TSPAN2: variants seen among roughly 807,000 people sequenced by gnomAD.
The protein encoded by TSPAN2 is tetraspanin 2, also known as tetraspanin-2.
Under a neutral mutation model 33.3 loss-of-function variants are expected in TSPAN2, and 24 were observed. That is an observed-to-expected ratio of 0.72 (90% CI 0.52 to 1.01). The LOEUF is 1.01. Among genes scored for constraint, TSPAN2 ranks in the 50% least tolerant of loss-of-function variants. TSPAN2 has a pLI of 0.00. For missense variants in TSPAN2, 278 were observed against 281.3 expected, an observed-to-expected ratio of 0.99 and a Z score of 0.08; for synonymous variants, 114 against 104.5, an observed-to-expected ratio of 1.09 and a Z score of -0.56.
intron 7 of TSPAN2, among the ~76,000 whole-genome samples, chr1:115,052,605 C>T (rs943460251): frequency 6.6e-6 from 1 of 152,132 alleles, no homozygotes; most frequent in African/African-American, 2.4e-5. Flanking sequence ...TACCACCTCT[C>T]GCAACTCCTG....
intron 1 of TSPAN2, among the ~76,000 whole-genome samples, chr1:115,078,001 C>T (rs1358527916): frequency 6.6e-6 from 1 of 152,208 alleles, no homozygotes; most frequent in Non-Finnish European, 1.5e-5. Context: ...GGGTAAAAAG[C>T]ATCATTTAGG....
At chr1:115,084,054 G>A (rs1367022702) in intron 1 of TSPAN2, among the ~76,000 whole-genome samples, 1 of 152,158 alleles carries the variant, frequency 6.6e-6, no homozygotes, top group East Asian at 1.9e-4. Flanking sequence ...TAAACTCCAA[G>A]CCTCTTGCTA....
intron 1 of TSPAN2, among the ~76,000 whole-genome samples, chr1:115,087,523 G>A (rs1198705435): frequency 6.6e-6 from 1 of 151,318 alleles, no homozygotes; most frequent in African/African-American, 2.4e-5. Flanking sequence ...GGCTGAGGCA[G>A]GAGAATGGCG....
At chr1:115,074,026 T>C (rs1443367442) in intron 1 of TSPAN2, among the ~76,000 whole-genome samples, 1 of 152,174 alleles carries the variant, frequency 6.6e-6, no homozygotes, top group Non-Finnish European at 1.5e-5. Context: ...CATGGGAAAG[T>C]AAGCAGAGAT....
At chr1:115,077,957 T>C (rs1333797580) in intron 1 of TSPAN2, among the ~76,000 whole-genome samples, 1 of 152,226 alleles carries the variant, frequency 6.6e-6, no homozygotes, top group African/African-American at 2.4e-5. Flanking sequence ...ATCCACTTTC[T>C]AGTGACTAAG....
rs554313037 is a variant in TSPAN2 at position 115,070,580 on chromosome 1, A to G, written c.172+2325T>C. Among the ~76,000 whole-genome samples the G allele has an allele frequency of 3.3e-5, 5 of 151,500 alleles. No homozygotes were observed. The East Asian group carries it at 9.8e-4, about 30-fold the overall frequency. On this transcript the variant is annotated intron_variant, in intron 2 of 7. Coordinates refer to ENST00000369516, the MANE Select transcript of TSPAN2 (RefSeq NM_005725.6). The stretch of plus-strand genomic sequence containing the variant: ...CAAATCCTACTGCCCACCATGCCCT[A>G]GTCCTCAGACCCCAACAGAGCCCCC...
At chr1:115,065,543 C>T (rs1198065593) in intron 2 of TSPAN2, among the ~76,000 whole-genome samples, 1 of 152,176 alleles carries the variant, frequency 6.6e-6, no homozygotes, top group African/African-American at 2.4e-5. Flanking sequence ...ATCTCTGTGA[C>T]ATGCTACCAC....
In TSPAN2 at chr1:115,062,234, T is replaced by C. The variant is rs1216825529; in HGVS notation, c.173-2A>G. The C allele has an allele frequency of 1.3e-6, 2 of 1,581,020 alleles. No individual in the cohort carries two copies. Among genetic ancestry groups the C allele is most frequent in the Non-Finnish European group, 1.7e-6 (2 of 1,163,068 alleles). ...CGGCTCCAACCAGAACATACAGCCCTGTGGGGAAGAGGTCAGAGGAGACCA... is the reference window on the plus strand; with the variant it reads ...CGGCTCCAACCAGAACATACAGCCCCGTGGGGAAGAGGTCAGAGGAGACCA... On this transcript the variant is annotated splice_acceptor_variant, in intron 2 of 7. Transcript: ENST00000369516. LOFTEE classifies it high-confidence loss of function.
chr1:115,085,795 G>A (rs1313459418), intron 1 of TSPAN2, among the ~76,000 whole-genome samples: 1 of 152,058 alleles, frequency 6.6e-6, no homozygotes, highest in East Asian at 1.9e-4. Context: ...TGTTTCAGTT[G>A]CCTCTTCGCT....
chr1:115,073,362 G>T (rs1245640364), intron 1 of TSPAN2, among the ~76,000 whole-genome samples: 1 of 152,130 alleles, frequency 6.6e-6, no homozygotes, highest in African/African-American at 2.4e-5. Flanking sequence ...CTGCCTTTTT[G>T]TCCCTTGCTG....
chr1:115,053,534 T>C (rs1647271818), intron 6 of TSPAN2, 72 bp from the exon 7 acceptor site: 1 of 1,277,738 alleles, frequency 7.8e-7, no homozygotes, highest in Non-Finnish European at 1.1e-6. Context: ...TCCTATCCTT[T>C]CCATCTCTAC....
chr1:115,060,756 T>G (rs546293425), intron 3 of TSPAN2, among the ~76,000 whole-genome samples: 1 of 152,354 alleles, frequency 6.6e-6, no homozygotes, highest in South Asian at 2.1e-4. Flanking sequence ...CAAATGTCTC[T>G]GTTATCACGG....
At chr1:115,058,855 A>AT (rs1647543095) in intron 5 of TSPAN2, 28 bp downstream of exon 5, 1 of 1,531,552 alleles carries the variant, frequency 6.5e-7, no homozygotes. Flanking sequence ...AGAAGCTGTG[A>AT]TTTTAAGGAA....
chr1:115,048,417 C>A lies in TSPAN2; in HGVS notation c.*2073G>T, dbSNP rs892237588. ...GGAATTCTCTAATTTTACTCATACGCATATTTTGGAAAGCTTATCTCCAAA... is the reference window on the plus strand; with the variant it reads ...GGAATTCTCTAATTTTACTCATACGAATATTTTGGAAAGCTTATCTCCAAA... On this transcript the variant is annotated 3_prime_UTR_variant, in exon 8 of 8. Transcript: ENST00000369516. 1 of 151,580 alleles carries A rather than the reference C, an allele frequency of 6.6e-6. No individual in the cohort carries two copies. The highest frequency in any genetic ancestry group is 2.1e-4 in the South Asian group (1 of 4,824). The allele number at this position is 151,580 out of a possible 1,614,324, so 9.4% of individuals were successfully genotyped here. A position where few individuals can be genotyped will look rare whatever the true frequency, so the allele number is the denominator to read the frequency against.
At chr1:115,058,689 C>T (rs1182752940) in intron 5 of TSPAN2, among the ~76,000 whole-genome samples, 194 bp downstream of exon 5, 2 of 152,208 alleles carry the variant, frequency 1.3e-5, no homozygotes, top group African/African-American at 4.8e-5. Context: ...CTTGTGAACT[C>T]TGTGTGATAG....
intron 6 of TSPAN2, 109 bp downstream of exon 6, chr1:115,057,428 A>G (rs1647475754): frequency 9.4e-7 from 1 of 1,059,146 alleles, no homozygotes; most frequent in Admixed American, 1.8e-5. Flanking sequence ...TGCTGCCACT[A>G]GAGCAAATTC....
chr1:115,072,771 G>A (rs1648232079), intron 2 of TSPAN2, 134 bp downstream of exon 2: 2 of 721,404 alleles, frequency 2.8e-6, no homozygotes, highest in South Asian at 3.3e-5. Flanking sequence ...GGGCTCAGAG[G>A]TGGCTCCTTT....
intron 3 of TSPAN2, 99 bp downstream of exon 3, chr1:115,062,036 A>G: frequency 3.0e-6 from 3 of 1,007,772 alleles, no homozygotes; most frequent in Non-Finnish European, 4.5e-6. Flanking sequence ...CAGAGAGTCC[A>G]CGGAGGAGCT....
chr1:115,062,089 C>T (rs773396325), intron 3 of TSPAN2, 46 bp downstream of exon 3: 102 of 1,448,438 alleles, frequency 7.0e-5, no homozygotes, highest in Admixed American at 4.4e-4. Flanking sequence ...AGATGCAGGC[C>T]GCTCCCTCAC....
Sources: gnomAD v4.1 joint callset for allele counts (sites outside exome capture counted in the v4.1 genomes callset) on GRCh38, gnomAD v4.1.1 for gene constraint, MANE v1.5 for transcripts, NCBI Gene and HGNC (gene_info 2026-07-23, HGNC 2026-07-21) for gene names.